The following PDZD2 variants were observed in gnomAD, a reference collection of about 807,000 sequenced individuals.
PDZD2 encodes PDZ domain containing 2.
Under a neutral mutation model 220.7 loss-of-function variants are expected in PDZD2, and 90 were observed. The ratio of observed to expected loss-of-function variants is 0.41; its 90% CI spans 0.34 to 0.49. The LOEUF is 0.49. Ranked by LOEUF, PDZD2 falls within the 20% of genes least tolerant of loss-of-function variation. PDZD2 has a pLI of 0.28. For synonymous variants in PDZD2, 1,375 were observed against 1,450.5 expected, an observed-to-expected ratio of 0.95 and a Z score of 1.18; for missense variants, 3,174 against 3,608.5, an observed-to-expected ratio of 0.88 and a Z score of 3.08.
At chr5:32,048,155 A>G (rs1341252978) in intron 7 of PDZD2, among the ~76,000 whole-genome samples, 2 of 152,242 alleles carry the variant, frequency 1.3e-5, no homozygotes, top group African/African-American at 2.4e-5. Flanking sequence ...GAAAAAAAAC[A>G]TCTGCACCAA....
rs767079340 is a variant in PDZD2, at chr5:32,098,552, G to A, written c.8136G>A (p.Arg2712=). Residue 2712 remains arginine (R), a synonymous_variant, in exon 23 of 25, where the codon AGG becomes AGA. Coordinates refer to ENST00000438447, the MANE Select transcript of PDZD2 (RefSeq NM_178140.4). This position sits in a 1 kb window ranked among gnomAD's most constrained non-coding sequence, Gnocchi z 4.1. ...TCAAGAAAGGGATGGATCAGCCCAGGCCCTCTGCCCGGCAGGAGCCTCCCA... is the reference window on the plus strand; with the variant it reads ...TCAAGAAAGGGATGGATCAGCCCAGACCCTCTGCCCGGCAGGAGCCTCCCA... ...VVIKKGMDQP[R]PSARQEPPTA... is the part of the protein sequence containing the mutation. 3.1e-6 allele frequency: 5 copies of A among 1,614,042 alleles called. No homozygotes were observed. Among genetic ancestry groups the A allele is most frequent in the African/African-American group, 1.3e-5 (1 of 74,944 alleles).
chr5:31,886,474 G>A (rs537537627), intron 2 of PDZD2, among the ~76,000 whole-genome samples: 233 of 152,148 alleles, frequency 1.5e-3, no homozygotes, highest in African/African-American at 5.5e-3. Context: ...GGTTCTGCCC[G>A]CTGGAGAAAT....
chr5:31,804,936 A>G (rs555063139), intron 2 of PDZD2, among the ~76,000 whole-genome samples: 22 of 152,280 alleles, frequency 1.4e-4, no homozygotes, highest in African/African-American at 5.3e-4. Context: ...GCTCATGCCT[A>G]TAATCCCAGC....
intron 1 of PDZD2, among the ~76,000 whole-genome samples, chr5:31,739,168 G>T (rs1326109347): frequency 6.6e-6 from 1 of 152,178 alleles, no homozygotes; most frequent in East Asian, 1.9e-4. Flanking sequence ...TTACAGGCGT[G>T]AGCCACCACA....
Position 31,908,082 on chromosome 5 carries a change from C to CAAAA in PDZD2, c.477-75050_477-75047dup, listed in dbSNP as rs55741622. 8.5e-3 allele frequency among the ~76,000 whole-genome samples: 655 copies of CAAAA among 76,892 alleles called. 38 individuals carry two copies. Among genetic ancestry groups the CAAAA allele is most frequent in the African/African-American group, 0.033 (601 of 18,374 alleles). The allele number at this position is 76,892 out of a possible 152,430, so 50.4% of individuals were successfully genotyped here. On this transcript the variant is annotated intron_variant, in intron 2 of 24. Transcript: ENST00000438447. ...TGGGTGACAGAGCCAGGCTCCGTCT[C>CAAAA]AAAAAAAAAAAAAAAAAAAAAAAAA...
At chr5:31,785,712 A>G (rs895937333) in intron 1 of PDZD2, among the ~76,000 whole-genome samples, 1 of 151,982 alleles carries the variant, frequency 6.6e-6, no homozygotes, top group African/African-American at 2.4e-5. Flanking sequence ...AAGTGCTAGG[A>G]TTACAGGCAT....
chr5:31,704,990 G>A (rs942957338), intron 1 of PDZD2, among the ~76,000 whole-genome samples: 14 of 152,028 alleles, frequency 9.2e-5, no homozygotes, highest in African/African-American at 2.2e-4. Context: ...GTAAAACCCC[G>A]TCTCTACTAA....
intron 2 of PDZD2, among the ~76,000 whole-genome samples, chr5:31,943,539 G>A (rs950329642): frequency 3.3e-5 from 5 of 152,142 alleles, no homozygotes; most frequent in African/African-American, 4.8e-5. Context: ...ATGTACATTC[G>A]GAATGTAATA....
chr5:32,024,745 C>T (rs987826917), intron 6 of PDZD2, among the ~76,000 whole-genome samples: 2 of 151,788 alleles, frequency 1.3e-5, no homozygotes, highest in Non-Finnish European at 2.9e-5. Flanking sequence ...GGCACATATG[C>T]CCCATGGATG....
intron 2 of PDZD2, among the ~76,000 whole-genome samples, chr5:31,909,723 A>G (rs1299522623): frequency 6.6e-6 from 1 of 152,228 alleles, no homozygotes; most frequent in African/African-American, 2.4e-5. Context: ...CACATTTAAA[A>G]TTTAAATGAC....
chr5:32,037,249 C>A lies in PDZD2; in HGVS notation c.1426C>A (p.Pro476Thr). 1 of 1,612,822 alleles carries A rather than the reference C, an allele frequency of 6.2e-7. No individual in the cohort carries two copies. Among genetic ancestry groups the A allele is most frequent in the Non-Finnish European group, 8.5e-7 (1 of 1,178,836 alleles). ...ATTTCAGATGCCTGGGACAGATGAA[C>A]CCCAAGATGTGTGCGGTGCTGAGGA... ...VQRAMPGTDE[P>T]QDVCGAEESK... The change falls in exon 7 of 25, where the codon CCC becomes ACC. Residue 476 changes from proline to threonine, a missense_variant. Transcript: ENST00000438447.
At chr5:31,648,603 G>A (rs1256904708) in intron 1 of PDZD2, among the ~76,000 whole-genome samples, 1 of 152,004 alleles carries the variant, frequency 6.6e-6, no homozygotes, top group African/African-American at 2.4e-5. Context: ...TTCTAACCGG[G>A]CCACCTGAGG....
intron 2 of PDZD2, among the ~76,000 whole-genome samples, chr5:31,882,770 T>A (rs1740041591): frequency 6.6e-6 from 1 of 151,938 alleles, no homozygotes; most frequent in South Asian, 2.1e-4. Flanking sequence ...GGCTCACATC[T>A]AAAATCCCAG....
chr5:31,923,185 C>G (rs183347477), intron 2 of PDZD2, among the ~76,000 whole-genome samples: 18 of 152,230 alleles, frequency 1.2e-4, no homozygotes, highest in Non-Finnish European at 2.4e-4. Context: ...ATCCCAGCTA[C>G]TCAGGGGGCA....
At chr5:31,738,935 G>C (rs1191936327) in intron 1 of PDZD2, among the ~76,000 whole-genome samples, 2 of 151,804 alleles carry the variant, frequency 1.3e-5, no homozygotes, top group African/African-American at 4.8e-5. Context: ...GCTCAGGCTG[G>C]AGTGCAGTGG....
chr5:31,885,455 G>A (rs1361254955), intron 2 of PDZD2, among the ~76,000 whole-genome samples: 1 of 152,078 alleles, frequency 6.6e-6, no homozygotes, highest in Non-Finnish European at 1.5e-5. Flanking sequence ...TTCTAAAGAA[G>A]TACTTGCATC....
At chr5:31,658,117 C>T (rs1028115883) in intron 1 of PDZD2, among the ~76,000 whole-genome samples, 3 of 152,148 alleles carry the variant, frequency 2.0e-5, no homozygotes, top group Admixed American at 6.5e-5. Context: ...TTGGTGCAAT[C>T]GCAGAATAAT....
chr5:31,873,749 T>TTTC (rs35313385), intron 2 of PDZD2, among the ~76,000 whole-genome samples: 5 of 150,116 alleles, frequency 3.3e-5, no homozygotes, highest in Admixed American at 1.3e-4. Context: ...CTTTTTTTTT[T>TTTC]GACAGAGTTC....
At chr5:31,940,651 C>T (rs1362149094) in intron 2 of PDZD2, among the ~76,000 whole-genome samples, 2 of 152,186 alleles carry the variant, frequency 1.3e-5, no homozygotes, top group Non-Finnish European at 2.9e-5. Flanking sequence ...GCCACATACA[C>T]CCAGACCATC....
Sources: allele counts gnomAD v4.1 joint callset (sites outside exome capture counted in the v4.1 genomes callset), GRCh38; gene constraint gnomAD v4.1.1; non-coding constraint Gnocchi (gnomAD v3.1); transcripts MANE v1.5; gene names NCBI Gene and HGNC (gene_info 2026-07-23, HGNC 2026-07-21).